TBC1D21: variants seen among roughly 807,000 people sequenced by gnomAD.
TBC1D21 encodes the protein male germ cell Rab GTPase-activating protein.
Under a neutral mutation model 46.0 loss-of-function variants are expected in TBC1D21, and 38 were observed. The observed-to-expected ratio is 0.83, with a 90% CI of 0.64 to 1.08. The LOEUF (loss-of-function observed/expected upper bound fraction) is 1.08, where lower values mean the gene tolerates loss of function less well. TBC1D21 is among the 50% of genes least tolerant of loss of function. The pLI, the probability that TBC1D21 is intolerant of heterozygous loss-of-function variation, is 0.00. For missense variants in TBC1D21, 415 were observed against 417.9 expected (o/e 0.99, Z 0.06); for synonymous variants, 151 against 157.2 (o/e 0.96, Z 0.29).
Position 73,886,552 on chromosome 15 carries a change from G to A in TBC1D21, c.717G>A (p.Trp239Ter). 2.5e-6 allele frequency: 4 copies of A among 1,613,722 alleles called. No individual in the cohort carries two copies. Among genetic ancestry groups the A allele is most frequent in the Non-Finnish European group, 3.4e-6 (4 of 1,180,028 alleles). The change falls in exon 8 of 11, where the codon TGG becomes TGA. Residue 239 changes from tryptophan (W) to a stop codon, truncating the protein, a stop_gained. Coordinates refer to ENST00000300504, the MANE Select transcript of TBC1D21 (RefSeq NM_153356.3). LOFTEE classifies it high-confidence loss of function. ...GAGAVQSLFP[W>*]FCFCFQRAFK... ...GGGCTGTGCAGTCCCTCTTCCCCTG[G>A]TTCTGCTTCTGCTTCCAGCGTGCCT...
chr15:73,888,354 C>A (rs774460268), intron 9 of TBC1D21, 76 bp from the exon 10 acceptor site: 1 of 1,242,380 alleles, frequency 8.0e-7, no homozygotes, highest in Non-Finnish European at 1.2e-6. Flanking sequence ...GTGCTGCAGG[C>A]AGCTGCATGT....
At chr15:73,880,143 C>T (rs1481978341) in intron 1 of TBC1D21, among the ~76,000 whole-genome samples, 1 of 152,134 alleles carries the variant, frequency 6.6e-6, no homozygotes, top group East Asian at 1.9e-4. Context: ...GATCCACCTG[C>T]CTTGGCCTCC....
the TBC1D21 span, among the ~76,000 whole-genome samples, chr15:73,898,492 C>T: frequency 6.6e-6 from 1 of 152,028 alleles, no homozygotes; most frequent in Non-Finnish European, 1.5e-5. Flanking sequence ...ATTTTAATAG[C>T]CACATTTAAG....
chr15:73,881,883 C>T (rs553234871), intron 3 of TBC1D21, 136 bp downstream of exon 3: 4 of 751,270 alleles, frequency 5.3e-6, no homozygotes, highest in African/African-American at 5.2e-5. Context: ...CTGACCCAGG[C>T]ACAGCACACA....
chr15:73,873,982 C>T (rs1374619196), intron 1 of TBC1D21, among the ~76,000 whole-genome samples: 1 of 152,248 alleles, frequency 6.6e-6, no homozygotes, highest in Non-Finnish European at 1.5e-5. Context: ...GCAAAACCTT[C>T]TCCACATATG....
At chr15:73,898,863 C>CAAAAAAAAAAAAAA in the TBC1D21 span, among the ~76,000 whole-genome samples, 11 of 24,102 alleles carry the variant, frequency 4.6e-4, no homozygotes, top group Admixed American at 2.2e-3. Context: ...GACTCCATCT[C>CAAAAAAAAAAAAAA]AAAAAAAAAA....
chr15:73,907,338 A>G, the TBC1D21 span, among the ~76,000 whole-genome samples: 1 of 152,178 alleles, frequency 6.6e-6, no homozygotes, highest in African/African-American at 2.4e-5. Flanking sequence ...GGCTGCTCTC[A>G]AGTTCATCTT....
intron 10 of TBC1D21, 147 bp downstream of exon 10, chr15:73,888,660 TTCC>T (rs1374567213): frequency 5.1e-6 from 3 of 590,058 alleles, no homozygotes; most frequent in African/African-American, 2.1e-5. Flanking sequence ...CCTCCTCTTC[TTCC>T]TCCTCCTCTT....
In TBC1D21 at chr15:73,889,107, C is replaced by T. The variant is rs914297245; in HGVS notation, c.*6C>T. ...TAAAGGATTTCTTCCTCTGAGGACA[C>T]CAAAGCCCGCAGTGGACTGATGCCT... On this transcript the variant is annotated 3_prime_UTR_variant, in exon 11 of 11. Coordinates refer to ENST00000300504, the MANE Select transcript of TBC1D21 (RefSeq NM_153356.3). The T allele has an allele frequency of 1.9e-6, 3 of 1,612,434 alleles. No homozygotes were observed. Among genetic ancestry groups the T allele is most frequent in the Non-Finnish European group, 2.5e-6 (3 of 1,179,358 alleles).
At chr15:73,906,920 G>A in the TBC1D21 span, among the ~76,000 whole-genome samples, 1 of 151,164 alleles carries the variant, frequency 6.6e-6, no homozygotes, top group Non-Finnish European at 1.5e-5. Flanking sequence ...CACCTCTTCA[G>A]GCTCTTGTTC....
chr15:73,890,997 A>C (rs1305351819), downstream of TBC1D21, among the ~76,000 whole-genome samples: 1 of 152,176 alleles, frequency 6.6e-6, no homozygotes, highest in African/African-American at 2.4e-5. Flanking sequence ...CAATCTTGAC[A>C]CCAAATTGAT....
At chr15:73,904,480 T>A in the TBC1D21 span, among the ~76,000 whole-genome samples, 1 of 152,174 alleles carries the variant, frequency 6.6e-6, no homozygotes, top group Admixed American at 6.5e-5. Context: ...ACCACAGAAA[T>A]TGGCAATTGC....
At chr15:73,904,618 T>C in the TBC1D21 span, among the ~76,000 whole-genome samples, 1 of 151,964 alleles carries the variant, frequency 6.6e-6, no homozygotes, top group Admixed American at 6.6e-5. Context: ...CAGAATCAGC[T>C]TGGGGGAAGG....
the TBC1D21 span, among the ~76,000 whole-genome samples, chr15:73,897,704 G>A: frequency 0.012 from 1,771 of 152,352 alleles, 22 homozygotes; most frequent in African/African-American, 0.04. Context: ...AGGTGTTGCC[G>A]AGAGGGAGGA....
Position 73,886,517 on chromosome 15 carries a change from AAGGGTGC to A in TBC1D21, c.687_693del (p.Ala230LeufsTer31). On this transcript the variant is annotated frameshift_variant, in exon 8 of 11. Coordinates refer to ENST00000300504, the MANE Select transcript of TBC1D21 (RefSeq NM_153356.3). LOFTEE classifies it high-confidence loss of function. ...CTCACCTTCTCTCCCCACAGAAGGG[AAGGGTGC>A]AGGGGCTGTGCAGTCCCTCTTCCCC... is the stretch of plus-strand genomic sequence containing the variant. 6.2e-7 allele frequency: 1 copy of A among 1,613,590 alleles called. No homozygotes were observed. The highest frequency in any genetic ancestry group is 8.5e-7 in the Non-Finnish European group (1 of 1,179,922).
At chr15:73,884,364 T>C in intron 4 of TBC1D21, 119 bp downstream of exon 4, 2 of 961,454 alleles carry the variant, frequency 2.1e-6, no homozygotes, top group Non-Finnish European at 3.3e-6. Flanking sequence ...CTTTGACTTG[T>C]GCCTGGAGTT....
the TBC1D21 span, among the ~76,000 whole-genome samples, chr15:73,909,199 C>A: frequency 6.6e-6 from 1 of 152,178 alleles, no homozygotes; most frequent in African/African-American, 2.4e-5. Flanking sequence ...TGGTGAAACC[C>A]TGTCTCTACT....
chr15:73,906,005 C>T, the TBC1D21 span, among the ~76,000 whole-genome samples: 1 of 152,186 alleles, frequency 6.6e-6, no homozygotes, highest in Non-Finnish European at 1.5e-5. Context: ...GTCAAGGAAA[C>T]CCAGGCTCTC....
the TBC1D21 span, among the ~76,000 whole-genome samples, chr15:73,907,748 A>AT: frequency 2.6e-5 from 4 of 152,140 alleles, no homozygotes; most frequent in Non-Finnish European, 4.4e-5. Flanking sequence ...TTTAAGAAAG[A>AT]TTTTTTTCAA....
Sources: allele counts gnomAD v4.1 joint callset (sites outside exome capture counted in the v4.1 genomes callset), GRCh38; gene constraint gnomAD v4.1.1; transcripts MANE v1.5; gene names NCBI Gene and HGNC (gene_info 2026-07-23, HGNC 2026-07-21).